Variants in ROR1 observed in about 807,000 individuals in gnomAD.
The protein encoded by ROR1 is ROR family WNT receptor 1.
ROR1 carries 19 observed loss-of-function variants against 78.8 expected under a neutral mutation model. The observed-to-expected ratio is 0.24, with a 90% CI of 0.17 to 0.35. The LOEUF (loss-of-function observed/expected upper bound fraction) is 0.35. Ranked by LOEUF, ROR1 falls within the 10% of genes least tolerant of loss-of-function variation. ROR1 has a pLI of 1.00. For missense variants in ROR1, 917 were observed against 1,177.8 expected, an observed-to-expected ratio of 0.78 and a Z score of 3.24; for synonymous variants, 386 against 433.6, an observed-to-expected ratio of 0.89 and a Z score of 1.36.
intron 2 of ROR1, among the ~76,000 whole-genome samples, chr1:64,032,336 G>A (rs1452708854): frequency 2.4e-4 from 18 of 75,016 alleles, no homozygotes; most frequent in South Asian, 5.8e-4. Flanking sequence ...GTGAGACTCC[G>A]TCTCAAAAAA....
intron 1 of ROR1, among the ~76,000 whole-genome samples, chr1:63,968,905 A>C (rs1360836770): frequency 6.6e-6 from 1 of 152,216 alleles, no homozygotes; most frequent in African/African-American, 2.4e-5. Flanking sequence ...CCCAGGAAAT[A>C]ATAAAATGAA....
intron 1 of ROR1, among the ~76,000 whole-genome samples, chr1:63,846,782 C>T (rs569725066): frequency 2.6e-5 from 4 of 152,296 alleles, no homozygotes; most frequent in South Asian, 4.1e-4. Flanking sequence ...TTTGACATGA[C>T]GTAACTCTGC....
chr1:64,078,711 T>C (rs1647073360), intron 4 of ROR1, among the ~76,000 whole-genome samples: 2 of 152,002 alleles, frequency 1.3e-5, no homozygotes, highest in Admixed American at 6.6e-5. Context: ...ATTCTAAGAA[T>C]AGGTGTTGGG....
intron 4 of ROR1, among the ~76,000 whole-genome samples, chr1:64,067,710 C>CTTTTTTTTTTTTTTTTTTTTTTTTT (rs986756579): frequency 4.7e-5 from 5 of 105,698 alleles, no homozygotes; most frequent in African/African-American, 8.5e-5. Context: ...TAAATAAATT[C>CTTTTTTTTTTTTTTTTTTTTTTTTT]TTTTTTTTTT....
At chr1:64,177,297 T>A (rs1650408756) in intron 8 of ROR1, 131 bp from the exon 9 acceptor site, 1 of 706,810 alleles carries the variant, frequency 1.4e-6, no homozygotes, top group South Asian at 1.9e-5. Context: ...TTGAAAGATA[T>A]ATAGACCTAC....
intron 2 of ROR1, among the ~76,000 whole-genome samples, chr1:64,020,582 G>A (rs1413317934): frequency 1.3e-5 from 2 of 152,074 alleles, no homozygotes; most frequent in Non-Finnish European, 2.9e-5. Flanking sequence ...GACTTATCCT[G>A]GAATATAGGA....
chr1:64,063,261 A>G (rs984940953), intron 4 of ROR1, among the ~76,000 whole-genome samples: 2 of 152,136 alleles, frequency 1.3e-5, no homozygotes, highest in Non-Finnish European at 2.9e-5. Context: ...CTCATCGTCA[A>G]CTCATTATCT....
chr1:63,774,471 C>T lies in ROR1; in HGVS notation c.54C>T (p.Ala18=), dbSNP rs1404702316. 3.4e-6 allele frequency: 4 copies of T among 1,164,824 alleles called. No individual in the cohort carries two copies. The highest frequency in any genetic ancestry group is 4.3e-5 in the East Asian group (1 of 23,114). The allele number at this position is 1,164,824 out of a possible 1,614,324, so 72.2% of individuals were successfully genotyped here. ...GTRPPLLALL[A]ALLLAARGAA... is the part of the protein sequence containing the mutation. ...GCCCGCCGCTCCTGGCGCTGCTGGC[C>T]GCGCTGCTGCTGGCCGCACGCGGGG... The change falls in exon 1 of 9, where the codon GCC becomes GCT. Residue 18 remains alanine, a synonymous_variant. Transcript: ENST00000371079. The surrounding 1 kb of genome is among the most constrained non-coding windows in gnomAD (Gnocchi z 5.7).
At chr1:63,888,354 C>G (rs1645371446) in intron 1 of ROR1, among the ~76,000 whole-genome samples, 1 of 152,056 alleles carries the variant, frequency 6.6e-6, no homozygotes, top group Admixed American at 6.5e-5. Flanking sequence ...GTGGTTCATA[C>G]CTGTAATCCT....
chr1:64,118,875 A>G (rs1421367324), intron 4 of ROR1, among the ~76,000 whole-genome samples: 3 of 152,110 alleles, frequency 2.0e-5, no homozygotes, highest in Non-Finnish European at 2.9e-5. Flanking sequence ...GTTCTGGGCT[A>G]TGGAAATTTT....
In ROR1 at chr1:63,989,758, A is replaced by G. The variant is rs192487673; in HGVS notation, c.92-19547A>G. ...TGTATATCAGTCAATTCTGGACTAC[A>G]GTCTAGTAGAATAGGATAATTGGAA... is the stretch of plus-strand genomic sequence containing the variant. On this transcript the variant is annotated intron_variant, in intron 1 of 8. Coordinates refer to ENST00000371079, the MANE Select transcript of ROR1 (RefSeq NM_005012.4). 4.1e-4 allele frequency among the ~76,000 whole-genome samples: 62 copies of G among 151,068 alleles called. No homozygotes were observed. The East Asian group carries it at 0.012, about 28-fold the overall frequency.
chr1:63,977,142 T>C (rs764113486), intron 1 of ROR1, among the ~76,000 whole-genome samples: 2 of 152,160 alleles, frequency 1.3e-5, no homozygotes, highest in African/African-American at 2.4e-5. Context: ...AGCATGGAGG[T>C]AATTGCCCCC....
chr1:63,877,621 C>G (rs191203745), intron 1 of ROR1, among the ~76,000 whole-genome samples: 1 of 152,098 alleles, frequency 6.6e-6, no homozygotes, highest in East Asian at 1.9e-4. Flanking sequence ...TACAGGATGG[C>G]TGAAGACTCA....
At chr1:64,151,020 T>C (rs1040235033) in intron 7 of ROR1, among the ~76,000 whole-genome samples, 12 of 152,232 alleles carry the variant, frequency 7.9e-5, no homozygotes, top group Non-Finnish European at 1.6e-4. Flanking sequence ...ACCACAATGA[T>C]TGTTGCCACT....
intron 4 of ROR1, among the ~76,000 whole-genome samples, chr1:64,070,270 G>A (rs187558122): frequency 1.2e-3 from 182 of 152,248 alleles, no homozygotes; most frequent in African/African-American, 3.9e-3. Context: ...TAGCAATGAG[G>A]CCTGGCATTG....
intron 2 of ROR1, among the ~76,000 whole-genome samples, chr1:64,021,919 G>A (rs1171857968): frequency 6.6e-6 from 1 of 152,036 alleles, no homozygotes; most frequent in African/African-American, 2.4e-5. Flanking sequence ...TTGAAAACAG[G>A]TATTCAAACA....
chr1:63,867,689 C>A (rs749621111), intron 1 of ROR1, among the ~76,000 whole-genome samples: 2 of 152,136 alleles, frequency 1.3e-5, no homozygotes, highest in African/African-American at 4.8e-5. Flanking sequence ...ACCTCGCCGA[C>A]GAAAATATTC....
At position 63,874,937 on chromosome 1, in the gene ROR1, T is replaced by C. The variant is rs187086931; in HGVS notation, c.91+100429T>C. Among the ~76,000 whole-genome samples the C allele has an allele frequency of 2.3e-3, 344 of 152,258 alleles. 8 individuals are homozygous for C. Among genetic ancestry groups the C allele is most frequent in the East Asian group, 1.7e-3 (9 of 5,174 alleles). On this transcript the variant is annotated intron_variant, in intron 1 of 8. Coordinates refer to ENST00000371079, the MANE Select transcript of ROR1 (RefSeq NM_005012.4). Reference sequence around the variant, plus strand: ...TAGACCAGGTATAATCTGATAAGCATAGAGTATGGTGGAGCATTTCTTTTA... The same window carrying C: ...TAGACCAGGTATAATCTGATAAGCACAGAGTATGGTGGAGCATTTCTTTTA...
chr1:63,994,157 T>C (rs1468516150), intron 1 of ROR1, among the ~76,000 whole-genome samples: 1 of 152,200 alleles, frequency 6.6e-6, no homozygotes, highest in African/African-American at 2.4e-5. Context: ...TATCTGTAAA[T>C]TGTGCACTCA....
Sources: gnomAD v4.1 joint callset for allele counts (sites outside exome capture counted in the v4.1 genomes callset) on GRCh38, gnomAD v4.1.1 for gene constraint, Gnocchi (gnomAD v3.1) non-coding constraint, MANE v1.5 for transcripts, NCBI Gene and HGNC (gene_info 2026-07-23, HGNC 2026-07-21) for gene names.